VWA8: variants seen among roughly 807,000 people sequenced by gnomAD.
VWA8 encodes von Willebrand factor A domain containing 8, also known as von Willebrand factor A domain-containing protein 8.
A neutral mutation model predicts 241.5 loss-of-function variants in VWA8; 221 were observed. That is an observed-to-expected ratio of 0.91 (90% CI 0.82 to 1.02). The LOEUF is 1.02. Among genes scored for constraint, VWA8 ranks in the 50% least tolerant of loss-of-function variants. VWA8 has a pLI of 0.00. For missense variants in VWA8, 2,322 were observed against 2,328.7 expected, an observed-to-expected ratio of 1.00 and a Z score of 0.06; for synonymous variants, 852 against 827.1, an observed-to-expected ratio of 1.03 and a Z score of -0.52.
At chr13:41,570,839 T>C in intron 43 of VWA8, 133 bp from the exon 44 acceptor site, 1 of 715,560 alleles carries the variant, frequency 1.4e-6, no homozygotes, top group Non-Finnish European at 2.3e-6. Flanking sequence ...TCTAAGTTAG[T>C]TCTATTTAAT....
intron 17 of VWA8, among the ~76,000 whole-genome samples, chr13:41,800,219 T>A (rs73183391): frequency 0.28 from 42,070 of 152,184 alleles, 5,843 homozygotes; most frequent in East Asian, 0.33. Context: ...ATTATGAATA[T>A]TATTGCTATG....
At chr13:41,871,122 C>A (rs961258953) in intron 9 of VWA8, among the ~76,000 whole-genome samples, 1 of 152,098 alleles carries the variant, frequency 6.6e-6, no homozygotes. Flanking sequence ...CAAACTATAA[C>A]CCAAATGCAA....
intron 17 of VWA8, among the ~76,000 whole-genome samples, chr13:41,789,238 C>G (rs114211970): frequency 0.011 from 1,674 of 152,204 alleles, 31 homozygotes; most frequent in African/African-American, 0.039. Context: ...TGTTTCCTTT[C>G]CCATTGCTCA....
intron 12 of VWA8, among the ~76,000 whole-genome samples, chr13:41,854,668 T>A (rs778275364): frequency 6.6e-6 from 1 of 152,162 alleles, no homozygotes; most frequent in Non-Finnish European, 1.5e-5. Flanking sequence ...TCTTTCTTAG[T>A]GGTGCATCTT....
At chr13:41,601,782 T>C (rs541953633) in intron 40 of VWA8, among the ~76,000 whole-genome samples, 176 of 152,230 alleles carry the variant, frequency 1.2e-3, no homozygotes, top group African/African-American at 3.9e-3. Context: ...TACTGCAACA[T>C]AGGCACATGT....
intron 12 of VWA8, among the ~76,000 whole-genome samples, chr13:41,841,814 A>ATAT (rs1872044346): frequency 1.6e-4 from 4 of 24,860 alleles, no homozygotes; most frequent in African/African-American, 4.1e-4. Flanking sequence ...AAAAAAAAAA[A>ATAT]AAAAAAATAT....
At chr13:41,628,783 C>CT (rs1451780133) in intron 37 of VWA8, among the ~76,000 whole-genome samples, 1 of 152,196 alleles carries the variant, frequency 6.6e-6, no homozygotes, top group African/African-American at 2.4e-5. Flanking sequence ...TGGCTCACGC[C>CT]TGTAATCCCA....
intron 27 of VWA8, among the ~76,000 whole-genome samples, chr13:41,701,863 G>T (rs1048992576): frequency 6.6e-5 from 10 of 152,214 alleles, no homozygotes; most frequent in Admixed American, 2.0e-4. Context: ...AGGACGCAGA[G>T]CTGTCCAAAC....
At chr13:41,655,387 C>A (rs924805390) in intron 37 of VWA8, among the ~76,000 whole-genome samples, 1 of 151,782 alleles carries the variant, frequency 6.6e-6, no homozygotes, top group African/African-American at 2.4e-5. Flanking sequence ...CCACGCCCAG[C>A]CAGTATTTAG....
At chr13:41,637,442 T>A (rs1259659251) in intron 37 of VWA8, among the ~76,000 whole-genome samples, 2 of 146,150 alleles carry the variant, frequency 1.4e-5, no homozygotes, top group East Asian at 4.3e-4. Flanking sequence ...AGGGATAGCA[T>A]TAGGAGATAT....
intron 21 of VWA8, among the ~76,000 whole-genome samples, chr13:41,745,221 T>C (rs1392401917): frequency 6.6e-6 from 1 of 152,154 alleles, no homozygotes; most frequent in Admixed American, 6.5e-5. Context: ...ACATGTGCCA[T>C]GTTGGTGTGC....
chr13:41,763,232 T>G (rs899618125), intron 20 of VWA8, among the ~76,000 whole-genome samples: 1 of 151,844 alleles, frequency 6.6e-6, no homozygotes, highest in Non-Finnish European at 1.5e-5. Context: ...GAGGCTGCAG[T>G]GAGCTATGAT....
chr13:41,960,424 A>G (rs9594657), intron 1 of VWA8, among the ~76,000 whole-genome samples: 2,284 of 152,300 alleles, frequency 0.015, 54 homozygotes, highest in African/African-American at 0.052. Flanking sequence ...AAGCCGCCAC[A>G]AGCCCTGGCT....
At chr13:41,729,432 T>C (rs1430528485) in intron 23 of VWA8, 110 bp downstream of exon 23, 3 of 1,103,372 alleles carry the variant, frequency 2.7e-6, no homozygotes, top group Non-Finnish European at 3.7e-6. Flanking sequence ...TTAAGTCATA[T>C]TGAACTTATG....
chr13:41,731,602 G>T (rs898848804), intron 22 of VWA8, among the ~76,000 whole-genome samples: 3 of 152,160 alleles, frequency 2.0e-5, no homozygotes, highest in Non-Finnish European at 4.4e-5. Flanking sequence ...ATGCTTTCCA[G>T]TTAGGCTGAA....
At chr13:41,857,785 G>C (rs1440057055) in intron 12 of VWA8, among the ~76,000 whole-genome samples, 1 of 152,068 alleles carries the variant, frequency 6.6e-6, no homozygotes, top group Non-Finnish European at 1.5e-5. Flanking sequence ...AACTTGACTG[G>C]GCTGTGGGAT....
At chr13:41,570,798 A>G in intron 43 of VWA8, 92 bp from the exon 44 acceptor site, 1 of 1,083,558 alleles carries the variant, frequency 9.2e-7, no homozygotes, top group Non-Finnish European at 1.3e-6. Flanking sequence ...GAGCATGCAT[A>G]CATACCAATT....
chr13:41,935,134 T>A lies in VWA8; in HGVS notation c.241+14802A>T, dbSNP rs551519585. The stretch of plus-strand genomic sequence containing the variant: ...CCATACTGGAAGCAAAGAACTGACA[T>A]GCACGAAAGGAGCAATATGATTGGT... On this transcript the variant is annotated intron_variant, in intron 2 of 44. Transcript: ENST00000379310. Among the ~76,000 whole-genome samples, 4 of 152,270 alleles carry A rather than the reference T, an allele frequency of 2.6e-5. No homozygotes were observed. The East Asian group carries it at 7.7e-4, about 29-fold the overall frequency.
intron 22 of VWA8, among the ~76,000 whole-genome samples, chr13:41,731,503 C>T (rs2045483291): frequency 6.6e-6 from 1 of 152,186 alleles, no homozygotes; most frequent in Non-Finnish European, 1.5e-5. Flanking sequence ...CTCTAAATCT[C>T]TCACTCTGAA....
Sources: allele counts gnomAD v4.1 joint callset (sites outside exome capture counted in the v4.1 genomes callset), GRCh38; gene constraint gnomAD v4.1.1; transcripts MANE v1.5; gene names NCBI Gene and HGNC (gene_info 2026-07-23, HGNC 2026-07-21).